MYO15B: variants seen among roughly 807,000 people sequenced by gnomAD.
MYO15B encodes myosin XVB, also known as myosin XVB pseudogene.
A neutral mutation model predicts 119.3 loss-of-function variants in MYO15B; 207 were observed. The observed-to-expected ratio is 1.73, with a 90% CI of 1.55 to 1.95. The LOEUF is 1.95. Ranked by LOEUF, MYO15B falls within the 30% of genes most tolerant of loss-of-function variation. The pLI, the probability that MYO15B is intolerant of heterozygous loss-of-function variation, is 0.00. For missense variants in MYO15B, 2,264 were observed against 1,203.1 expected, an observed-to-expected ratio of 1.88 and a Z score of -13.04; for synonymous variants, 966 against 498.9, an observed-to-expected ratio of 1.94 and a Z score of -12.48.
At chr17:75,602,625 G>A (rs975644881) in intron 16 of MYO15B, 31 bp downstream of exon 16, 11 of 645,296 alleles carry the variant, frequency 1.7e-5, no homozygotes, top group African/African-American at 7.2e-5. Context: ...GCCCCCACCC[G>A]CTCCATACTC....
rs983533540 is a variant in MYO15B, at chr17:75,591,719, G to A, written c.2547+7G>A. On this transcript the variant is annotated splice_region_variant and intron_variant, in intron 5 of 63. Coordinates refer to ENST00000645453, the Ensembl canonical transcript of MYO15B. Reference sequence around the variant, plus strand: ...GGGGAACCGAGAGTGTCAGGTGAGGGCCAGGCTGGAGGTACCTCATGGGTT... The same window carrying A: ...GGGGAACCGAGAGTGTCAGGTGAGGACCAGGCTGGAGGTACCTCATGGGTT... 7.1e-6 allele frequency: 5 copies of A among 702,808 alleles called. No individual in the cohort carries two copies. Among genetic ancestry groups the A allele is most frequent in the Non-Finnish European group, 1.0e-5 (4 of 384,978 alleles). 43.5% of individuals were successfully genotyped at this position (702,808 alleles called of 1,614,324 possible).
exon 21 of MYO15B, chr17:75,605,875 G>A (rs1363858685): frequency 1.4e-6 from 1 of 696,108 alleles, no homozygotes; most frequent in Non-Finnish European, 2.6e-6. Context: ...TCCTGCTGCA[G>A]GAGCAGGGCT....
intron 19 of MYO15B, among the ~76,000 whole-genome samples, chr17:75,604,810 A>G (rs1624922): frequency 0.17 from 26,488 of 151,968 alleles, 3,768 homozygotes; most frequent in African/African-American, 0.39. Flanking sequence ...TCTAGAAATG[A>G]AATAAATACT....
chr17:75,591,805 C>T, intron 5 of MYO15B, 93 bp downstream of exon 5: 1 of 690,692 alleles, frequency 1.4e-6, no homozygotes, highest in Non-Finnish European at 2.7e-6. Context: ...CTATCTTTCT[C>T]CTTTCAGCCA....
At chr17:75,624,474 A>C (rs766625250) in intron 57 of MYO15B, 27 bp downstream of exon 57, 38 of 702,830 alleles carry the variant, frequency 5.4e-5, no homozygotes, top group Non-Finnish European at 9.4e-5. Context: ...CCAAGGGAGG[A>C]GGCCTTGGGC....
chr17:75,617,416 G>A (rs920789328), intron 41 of MYO15B, 112 bp downstream of exon 41: 1 of 569,828 alleles, frequency 1.8e-6, no homozygotes, highest in South Asian at 2.2e-5. Flanking sequence ...GAGGCCAGCT[G>A]TTCGGGCTTC....
In MYO15B at chr17:75,620,179, G is replaced by C. The variant is rs907491520; in HGVS notation, c.7444-67G>C. The C allele has an allele frequency of 1.6e-5, 11 of 699,926 alleles. No individual in the cohort carries two copies. In the African/African-American group the frequency reaches 1.7e-4, roughly 11 times the overall value. 43.4% of individuals were successfully genotyped at this position (699,926 alleles called of 1,614,324 possible). On this transcript the variant is annotated intron_variant, in intron 47 of 63. Transcript: ENST00000645453. ...AGGGGCAGGCCAGCAGGGGGAGCAGGTGGGCAGGCAGGACAGGGAGGCACA... is the reference window on the plus strand; with the variant it reads ...AGGGGCAGGCCAGCAGGGGGAGCAGCTGGGCAGGCAGGACAGGGAGGCACA...
In MYO15B at chr17:75,622,096, G is replaced by A. The variant is rs1196129168; in HGVS notation, c.8082+16G>A. 5 of 702,874 alleles carry A rather than the reference G, an allele frequency of 7.1e-6. No individual in the cohort carries two copies. Among genetic ancestry groups the A allele is most frequent in the African/African-American group, 7.0e-5 (4 of 57,386 alleles). The allele number at this position is 702,874 out of a possible 1,614,324, so 43.5% of individuals were successfully genotyped here. A position where few individuals can be genotyped will look rare whatever the true frequency, so the allele number is the denominator to read the frequency against. ...ACTGCTGAAGGTAAGCCTGGGCTGT[G>A]CGACCCCCAGCGCCTGTGCCTGTCC... On this transcript the variant is annotated intron_variant, in intron 53 of 63. Coordinates refer to ENST00000645453, the Ensembl canonical transcript of MYO15B.
Position 75,588,473 on chromosome 17 carries a change from GC to G in MYO15B, c.418del (p.Arg140AlafsTer229). The G allele has an allele frequency of 2.5e-6, 1 of 398,470 alleles. No individual in the cohort carries two copies. Among genetic ancestry groups the G allele is most frequent in the Non-Finnish European group, 4.4e-6 (1 of 225,902 alleles). 24.7% of individuals were successfully genotyped at this position (398,470 alleles called of 1,614,324 possible). ...GATAAGGGGCCCTCGGCTCGGCGGG[GC>G]CGCCGGACGCCCAGGAGCCTCAATG... On this transcript the variant is annotated frameshift_variant, in exon 1 of 64. Coordinates refer to ENST00000645453, the Ensembl canonical transcript of MYO15B. LOFTEE classifies it high-confidence loss of function.
rs749966092 is a variant in MYO15B at position 75,613,471 on chromosome 17, G to A, written c.5146G>A (p.Glu1716Lys). The change falls in exon 28 of 64, where the codon GAG (glutamate) becomes AAG (lysine). Residue 1716 changes from glutamate (E) to lysine (K), a missense_variant and splice_region_variant. Transcript: ENST00000645453. Reference sequence around the variant, plus strand: ...GGCGCTGGATGTGTTCACCTTCAGCGGTGAGGGCTGCCTCTGGCTGAGGCC... The same window carrying A: ...GGCGCTGGATGTGTTCACCTTCAGCAGTGAGGGCTGCCTCTGGCTGAGGCC... The A allele has an allele frequency of 4.4e-5, 30 of 679,148 alleles. No homozygotes were observed. Among genetic ancestry groups the A allele is most frequent in the African/African-American group, 1.8e-4 (10 of 55,864 alleles). The allele number at this position is 679,148 out of a possible 1,614,324, so 42.1% of individuals were successfully genotyped here.
chr17:75,621,072 G>C (rs766982256), exon 50 of MYO15B: 13 of 702,736 alleles, frequency 1.8e-5, no homozygotes, highest in South Asian at 1.5e-4. Context: ...GTGACGACTC[G>C]GAGGCCACCA....
chr17:75,619,156 CCTT>C (rs1225329940), exon 44 of MYO15B: 4 of 702,930 alleles, frequency 5.7e-6, no homozygotes, highest in Non-Finnish European at 1.0e-5. Flanking sequence ...CTACGGGACA[CCTT>C]CTCCGAGTCC....
rs563847769 is a variant in MYO15B, at chr17:75,620,779, G to A, written c.7725+143G>A. 150 of 701,504 alleles carry A rather than the reference G, an allele frequency of 2.1e-4. No homozygotes were observed. The African/African-American group carries it at 2.3e-3, about 11-fold the overall frequency. 43.5% of individuals were successfully genotyped at this position (701,504 alleles called of 1,614,324 possible). On this transcript the variant is annotated intron_variant, in intron 49 of 63. Coordinates refer to ENST00000645453, the Ensembl canonical transcript of MYO15B. ...TGTGGCTGCCCCTCTGCCCGCTCCTGATGGCTCGCCTTGTCTCTCCAGCAA... is the reference window on the plus strand; with the variant it reads ...TGTGGCTGCCCCTCTGCCCGCTCCTAATGGCTCGCCTTGTCTCTCCAGCAA...
chr17:75,609,240 C>T (rs1320653746), intron 21 of MYO15B, among the ~76,000 whole-genome samples: 2 of 150,502 alleles, frequency 1.3e-5, no homozygotes, highest in African/African-American at 4.9e-5. Flanking sequence ...TAGGGTCTGA[C>T]TTTGTCACCC....
At chr17:75,624,954 A>C (rs2058939856) in intron 59 of MYO15B, 38 bp downstream of exon 59, 3 of 697,220 alleles carry the variant, frequency 4.3e-6, no homozygotes, top group Non-Finnish European at 7.9e-6. Context: ...CTGCAGTTTG[A>C]GGGCGCGGCT....
At chr17:75,619,765 C>T (rs947258704) in exon 46 of MYO15B, 6 of 702,832 alleles carry the variant, frequency 8.5e-6, no homozygotes, top group East Asian at 2.7e-5. Context: ...CCCCGGCCTC[C>T]GCCCCGACCA....
At chr17:75,616,948 A>G in exon 40 of MYO15B, 1 of 702,698 alleles carries the variant, frequency 1.4e-6, no homozygotes, top group South Asian at 1.5e-5. Context: ...AACGGTGCCC[A>G]CTCGTCCCCG....
intron 1 of MYO15B, 136 bp downstream of exon 1, chr17:75,590,379 G>T: frequency 2.5e-6 from 1 of 398,226 alleles, no homozygotes; most frequent in Non-Finnish European, 4.4e-6. Flanking sequence ...CTGGCAGGAA[G>T]GGGCAGGTAA....
At chr17:75,622,390 C>A (rs1259232141) in intron 53 of MYO15B, among the ~76,000 whole-genome samples, 2 of 152,136 alleles carry the variant, frequency 1.3e-5, no homozygotes, top group African/African-American at 2.4e-5. Flanking sequence ...CACGGGGTGA[C>A]AGAGAAGGGC....
Sources: gnomAD v4.1 joint callset for allele counts (sites outside exome capture counted in the v4.1 genomes callset) on GRCh38, gnomAD v4.1.1 for gene constraint, MANE v1.5 for transcripts, NCBI Gene and HGNC (gene_info 2026-07-23, HGNC 2026-07-21) for gene names.